The following OCA2 variants were observed in gnomAD, a reference collection of about 807,000 sequenced individuals.
OCA2 encodes P protein.
A neutral mutation model predicts 100.2 loss-of-function variants in OCA2; 77 were observed. The ratio of observed to expected loss-of-function variants is 0.77; its 90% CI spans 0.64 to 0.93. The LOEUF is 0.93. Among genes scored for constraint, OCA2 ranks in the 40% least tolerant of loss-of-function variants. OCA2 has a pLI of 0.00. For missense variants in OCA2, 1,062 were observed against 1,089.1 expected, an observed-to-expected ratio of 0.98 and a Z score of 0.35; for synonymous variants, 432 against 439.2, an observed-to-expected ratio of 0.98 and a Z score of 0.21.
chr15:27,828,415 C>G (rs140004388), intron 23 of OCA2, among the ~76,000 whole-genome samples: 13 of 152,296 alleles, frequency 8.5e-5, no homozygotes, highest in African/African-American at 3.1e-4. Flanking sequence ...GGTCCTCACT[C>G]AAAAAGCAGC....
the OCA2 span, among the ~76,000 whole-genome samples, chr15:27,738,082 TA>T: frequency 6.6e-6 from 1 of 152,174 alleles, no homozygotes; most frequent in African/African-American, 2.4e-5. Flanking sequence ...TAAAGTAACA[TA>T]ATCTCTTTAG....
At chr15:28,006,522 A>C (rs1027282432) in intron 9 of OCA2, among the ~76,000 whole-genome samples, 2 of 152,260 alleles carry the variant, frequency 1.3e-5, no homozygotes, top group Admixed American at 1.3e-4. Context: ...CAGAAGACCT[A>C]TGTCCCATCC....
At chr15:27,921,855 C>T (rs771649526) in intron 19 of OCA2, among the ~76,000 whole-genome samples, 7 of 152,188 alleles carry the variant, frequency 4.6e-5, no homozygotes, top group Non-Finnish European at 8.8e-5. Flanking sequence ...GCATGCACCA[C>T]CATGCCAGCT....
chr15:28,060,327 G>T (rs1308152549), intron 2 of OCA2, among the ~76,000 whole-genome samples: 1 of 152,196 alleles, frequency 6.6e-6, no homozygotes, highest in Non-Finnish European at 1.5e-5. Flanking sequence ...CTCCTGCCCA[G>T]CCTTGCGAAA....
At position 27,785,323 on chromosome 15, in the gene OCA2, CAT is replaced by C. The variant is rs1351346902; in HGVS notation, c.2433-29853_2433-29852del. Among the ~76,000 whole-genome samples, 8 of 152,186 alleles carry C rather than the reference CAT, an allele frequency of 5.3e-5. No individual in the cohort carries two copies. In the East Asian group the frequency reaches 7.7e-4, roughly 15 times the overall value. ...GTACATAAACAAATTCATGTACACA[CAT>C]GTTCATAGCAACACTATTTACAATA... On this transcript the variant is annotated intron_variant, in intron 23 of 23. Transcript: ENST00000354638.
chr15:27,761,368 A>G (rs2030822822), intron 23 of OCA2, among the ~76,000 whole-genome samples: 1 of 151,996 alleles, frequency 6.6e-6, no homozygotes, highest in Non-Finnish European at 1.5e-5. Flanking sequence ...TTAAACACTT[A>G]GGCATAAACT....
At chr15:28,037,709 T>C (rs1199959704) in intron 2 of OCA2, among the ~76,000 whole-genome samples, 1 of 152,210 alleles carries the variant, frequency 6.6e-6, no homozygotes, top group Admixed American at 6.5e-5. Context: ...ACCCTGAAGG[T>C]AGATAATATT....
rs1404987835 is a variant in OCA2, at chr15:28,028,029, C to T, written c.357G>A (p.Glu119=). ...GSRCIPVYHP[E]FITAEESWED... ...CCCAAGACTCTTCAGCAGTGATGAA[C>T]TCTGGATGGTAAACAGGTATGCACC... Residue 119 remains glutamate, a synonymous_variant, in exon 4 of 24, where the codon GAG becomes GAA. Coordinates refer to ENST00000354638, the MANE Select transcript of OCA2 (RefSeq NM_000275.3). 1.2e-6 allele frequency: 2 copies of T among 1,614,218 alleles called. No homozygotes were observed. Among genetic ancestry groups the T allele is most frequent in the Non-Finnish European group, 8.5e-7 (1 of 1,180,046 alleles).
the OCA2 span, among the ~76,000 whole-genome samples, chr15:27,743,800 C>T: frequency 1.3e-5 from 2 of 152,168 alleles, no homozygotes; most frequent in Non-Finnish European, 2.9e-5. Context: ...AGCTGACGGC[C>T]CTTGGCTTTC....
At chr15:27,996,998 GAAGAGAGA>G (rs905013309) in intron 9 of OCA2, among the ~76,000 whole-genome samples, 5 of 133,646 alleles carry the variant, frequency 3.7e-5, no homozygotes, top group East Asian at 4.3e-4. Flanking sequence ...CAAAAAAAAA[GAAGAGAGA>G]AAGAGAGAAA....
intron 23 of OCA2, among the ~76,000 whole-genome samples, chr15:27,760,418 A>T (rs1595364216): frequency 1.3e-5 from 2 of 151,936 alleles, no homozygotes; most frequent in African/African-American, 2.4e-5. Flanking sequence ...AAAAGAATTT[A>T]AAAATAAACC....
At chr15:27,757,878 C>A (rs561585087) in intron 23 of OCA2, among the ~76,000 whole-genome samples, 1 of 152,256 alleles carries the variant, frequency 6.6e-6, no homozygotes, top group East Asian at 1.9e-4. Flanking sequence ...AAGCCTGGAG[C>A]ACCTCCCTGG....
At chr15:27,992,500 G>A (rs1320177897) in intron 9 of OCA2, among the ~76,000 whole-genome samples, 3 of 152,232 alleles carry the variant, frequency 2.0e-5, no homozygotes, top group Admixed American at 6.5e-5. Flanking sequence ...CAGCCATGGC[G>A]CTGAGAGTGG....
chr15:27,953,444 T>C (rs1257311768), intron 17 of OCA2, among the ~76,000 whole-genome samples: 4 of 152,178 alleles, frequency 2.6e-5, no homozygotes, highest in Non-Finnish European at 5.9e-5. Context: ...CCGATTTTCC[T>C]ACATGATTCT....
At chr15:27,758,040 C>T (rs2030526996) in intron 23 of OCA2, among the ~76,000 whole-genome samples, 1 of 152,168 alleles carries the variant, frequency 6.6e-6, no homozygotes, top group South Asian at 2.1e-4. Context: ...CAATTCCTCC[C>T]ACTAAGCAGA....
At chr15:27,907,094 C>G (rs574689901) in intron 19 of OCA2, among the ~76,000 whole-genome samples, 11 of 152,306 alleles carry the variant, frequency 7.2e-5, no homozygotes, top group Non-Finnish European at 1.5e-4. Flanking sequence ...ACCTCCAACA[C>G]TGCGATCAAA....
At chr15:27,902,499 T>C (rs149756272) in intron 19 of OCA2, among the ~76,000 whole-genome samples, 220 of 152,304 alleles carry the variant, frequency 1.4e-3, no homozygotes, top group African/African-American at 4.9e-3. Flanking sequence ...AGTTCCTGGG[T>C]TGTTTCAGTT....
chr15:27,930,445 G>T (rs146316133), intron 18 of OCA2, among the ~76,000 whole-genome samples: 29 of 151,740 alleles, frequency 1.9e-4, no homozygotes, highest in African/African-American at 7.0e-4. Flanking sequence ...AAATAGCAGG[G>T]TTTGACAAGC....
chr15:27,781,213 T>A (rs370578929), intron 23 of OCA2, among the ~76,000 whole-genome samples: 1 of 152,222 alleles, frequency 6.6e-6, no homozygotes, highest in Non-Finnish European at 1.5e-5. Context: ...CCTGCAGCAA[T>A]GTGGAAACAT....
Sources: gnomAD v4.1 joint callset for allele counts (sites outside exome capture counted in the v4.1 genomes callset) on GRCh38, gnomAD v4.1.1 for gene constraint, MANE v1.5 for transcripts, NCBI Gene and HGNC (gene_info 2026-07-23, HGNC 2026-07-21) for gene names.